Variants in LINGO2 observed in about 807,000 individuals in gnomAD.
The protein encoded by LINGO2 is leucine-rich repeat and immunoglobulin-like domain-containing nogo receptor-interacting protein 2.
Under a neutral mutation model 30.6 loss-of-function variants are expected in LINGO2, and 14 were observed. That is an observed-to-expected ratio of 0.46 (90% CI 0.30 to 0.72). LINGO2 has a LOEUF of 0.72. Ranked by LOEUF, LINGO2 falls within the 30% of genes least tolerant of loss-of-function variation. The probability of loss-of-function intolerance (pLI) is 0.07; values close to 1 mark genes in which losing one functional copy is unlikely to be tolerated. For synonymous variants in LINGO2, 317 were observed against 288.5 expected (o/e 1.10, Z -1.00); for missense variants, 729 against 751.7 (o/e 0.97, Z 0.35).
the LINGO2 span, among the ~76,000 whole-genome samples, chr9:28,876,831 C>T: frequency 6.6e-6 from 1 of 152,104 alleles, no homozygotes; most frequent in Non-Finnish European, 1.5e-5. Flanking sequence ...GCCACACTGA[C>T]TTCCACAATG....
chr9:28,746,732 A>T, the LINGO2 span, among the ~76,000 whole-genome samples: 1 of 152,018 alleles, frequency 6.6e-6, no homozygotes, highest in Non-Finnish European at 1.5e-5. Flanking sequence ...AGTGCCTGAC[A>T]TGTATTAGGA....
the LINGO2 span, among the ~76,000 whole-genome samples, chr9:28,834,374 C>T: frequency 6.6e-6 from 1 of 152,116 alleles, no homozygotes. Flanking sequence ...TGAATTTCCA[C>T]ATAGAGATGC....
chr9:29,131,118 G>A, the LINGO2 span, among the ~76,000 whole-genome samples: 1 of 152,056 alleles, frequency 6.6e-6, no homozygotes, highest in Non-Finnish European at 1.5e-5. Context: ...CTAAATGGAT[G>A]GAACCACTTC....
At chr9:28,535,176 A>G (rs1280091245) in intron 1 of LINGO2, among the ~76,000 whole-genome samples, 1 of 152,160 alleles carries the variant, frequency 6.6e-6, no homozygotes, top group Admixed American at 6.5e-5. Context: ...ACAATACAGG[A>G]ATTTTGATTT....
At chr9:29,093,120 T>C in the LINGO2 span, among the ~76,000 whole-genome samples, 2 of 130,676 alleles carry the variant, frequency 1.5e-5, no homozygotes, top group Non-Finnish European at 3.3e-5. Context: ...TTGATATCTA[T>C]CTTTGTTTAT....
chr9:28,553,215 A>G (rs1822410886), intron 1 of LINGO2, among the ~76,000 whole-genome samples: 1 of 152,112 alleles, frequency 6.6e-6, no homozygotes, highest in Admixed American at 6.6e-5. Flanking sequence ...AAGGGAGGAC[A>G]TTCAAACCAA....
intron 3 of LINGO2, among the ~76,000 whole-genome samples, chr9:28,320,744 T>C (rs948619406): frequency 6.6e-6 from 1 of 152,112 alleles, no homozygotes; most frequent in Admixed American, 6.6e-5. Context: ...AAGATCCAAT[T>C]CAATAGAGGA....
intron 3 of LINGO2, among the ~76,000 whole-genome samples, chr9:28,350,005 A>C (rs1044856207): frequency 6.6e-6 from 1 of 152,154 alleles, no homozygotes; most frequent in Non-Finnish European, 1.5e-5. Context: ...GGAAGCACTA[A>C]ACATGGAAAG....
intron 4 of LINGO2, among the ~76,000 whole-genome samples, chr9:28,021,605 A>G (rs946905455): frequency 2.0e-5 from 3 of 152,154 alleles, no homozygotes; most frequent in African/African-American, 7.2e-5. Context: ...GTTTCCAACA[A>G]TAATAGTGAA....
chr9:28,506,515 T>TATATATATAGATATATAG (rs1554729666), intron 1 of LINGO2, among the ~76,000 whole-genome samples: 22 of 100,568 alleles, frequency 2.2e-4, no homozygotes, highest in African/African-American at 7.0e-4. Flanking sequence ...CATATATATA[T>TATATATATAGATATATAG]ATATATAAAC....
At chr9:28,436,425 T>A (rs1396024160) in intron 2 of LINGO2, among the ~76,000 whole-genome samples, 4 of 2,414 alleles carry the variant, frequency 1.7e-3, no homozygotes, top group South Asian at 0.05. Flanking sequence ...GAAGAGAATT[T>A]ATTTATTTAT....
chr9:28,430,781 GC>G (rs1347455499), intron 2 of LINGO2, among the ~76,000 whole-genome samples: 4 of 152,056 alleles, frequency 2.6e-5, no homozygotes, highest in Non-Finnish European at 5.9e-5. Flanking sequence ...GGAGCTCAGG[GC>G]TGGCTCAGCT....
intron 2 of LINGO2, among the ~76,000 whole-genome samples, chr9:28,375,741 G>C (rs533457696): frequency 1.4e-3 from 206 of 152,294 alleles, no homozygotes; most frequent in Middle Eastern, 3.4e-3. Context: ...GTTGAACCTA[G>C]CATCACTTCC....
At chr9:28,730,448 T>A in the LINGO2 span, among the ~76,000 whole-genome samples, 207 of 152,288 alleles carry the variant, frequency 1.4e-3, 1 homozygote, top group South Asian at 4.8e-3. Context: ...GATCAAAATT[T>A]AAAACTGTTA....
At chr9:28,499,608 C>T (rs1409821689) in intron 1 of LINGO2, among the ~76,000 whole-genome samples, 2 of 152,080 alleles carry the variant, frequency 1.3e-5, no homozygotes, top group Admixed American at 6.5e-5. Context: ...TTTACTAATC[C>T]TAGTTTTCTT....
At chr9:28,629,202 G>A (rs1826820599) in intron 1 of LINGO2, among the ~76,000 whole-genome samples, 1 of 151,952 alleles carries the variant, frequency 6.6e-6, no homozygotes, top group Non-Finnish European at 1.5e-5. Flanking sequence ...GGAGCAGATG[G>A]GTGATGTGCC....
At chr9:28,019,928 A>C (rs1016394055) in intron 4 of LINGO2, among the ~76,000 whole-genome samples, 60 of 152,254 alleles carry the variant, frequency 3.9e-4, no homozygotes, top group Middle Eastern at 3.4e-3. Flanking sequence ...AAACTTAGCC[A>C]ATCTTCAGAA....
chr9:28,062,471 T>TATATATACTATATATAC (rs1036928400), intron 4 of LINGO2, among the ~76,000 whole-genome samples: 1 of 146,936 alleles, frequency 6.8e-6, no homozygotes, highest in Admixed American at 6.9e-5. Flanking sequence ...CTACATATTG[T>TATATATACTATATATAC]ATATATACTA....
the LINGO2 span, among the ~76,000 whole-genome samples, chr9:29,049,118 A>G: frequency 6.6e-6 from 1 of 152,306 alleles, no homozygotes; most frequent in East Asian, 1.9e-4. Flanking sequence ...AAAACTCCAT[A>G]GGAAAAAATA....
Sources: allele counts gnomAD v4.1 joint callset (sites outside exome capture counted in the v4.1 genomes callset), GRCh38; gene constraint gnomAD v4.1.1; transcripts MANE v1.5; gene names NCBI Gene and HGNC (gene_info 2026-07-23, HGNC 2026-07-21).